OPCML: variants seen among roughly 807,000 people sequenced by gnomAD.
OPCML encodes opioid binding protein/cell adhesion molecule like.
OPCML carries 13 observed loss-of-function variants against 37.8 expected under a neutral mutation model. The observed-to-expected ratio is 0.34, with a 90% CI of 0.22 to 0.55. OPCML has a LOEUF of 0.55. Among genes scored for constraint, OPCML ranks in the 20% least tolerant of loss-of-function variants. The pLI is 0.91. For missense variants in OPCML, 341 were observed against 435.6 expected, an observed-to-expected ratio of 0.78 and a Z score of 1.93; for synonymous variants, 176 against 168.8, an observed-to-expected ratio of 1.04 and a Z score of -0.33.
intron 1 of OPCML, chr11:133,299,251 G>C (rs916476154): frequency 5.3e-5 from 8 of 152,208 alleles, no homozygotes; most frequent in Non-Finnish European, 7.3e-5. Context: ...GGCAACTCTG[G>C]AGCCATTAAT....
At chr11:133,207,736 G>A (rs767974466) in intron 1 of OPCML, among the ~76,000 whole-genome samples, 3 of 152,116 alleles carry the variant, frequency 2.0e-5, no homozygotes, top group Non-Finnish European at 4.4e-5. Context: ...TGCCGACTGA[G>A]GAAGAAGGCA....
intron 1 of OPCML, chr11:133,419,475 A>G (rs1214886506): frequency 3.5e-6 from 1 of 289,212 alleles, no homozygotes; most frequent in Non-Finnish European, 5.2e-6. Flanking sequence ...TGATTAAATA[A>G]GTTATAGCTT....
intron 1 of OPCML, among the ~76,000 whole-genome samples, chr11:133,224,589 T>A (rs1188523726): frequency 6.6e-6 from 1 of 152,210 alleles, no homozygotes; most frequent in Non-Finnish European, 1.5e-5. Context: ...CCCAAAGAGA[T>A]GGTTGTCATT....
chr11:133,235,586 A>G lies in OPCML; in HGVS notation c.62-292576T>C, dbSNP rs538994448. 1.4e-4 allele frequency among the ~76,000 whole-genome samples: 22 copies of G among 152,368 alleles called. No homozygotes were observed. In the South Asian group the frequency reaches 4.6e-3, roughly 32 times the overall value. On this transcript the variant is annotated intron_variant, in intron 1 of 7. Coordinates refer to ENST00000524381, the MANE Select transcript of OPCML (RefSeq NM_001012393.5). ...TGCTTTACAAGACATGGCAGAAGTC[A>G]GAACACATTGCATGCAGCTGCTGCC...
At chr11:133,432,179 C>A (rs192025559) in intron 1 of OPCML, among the ~76,000 whole-genome samples, 1 of 152,146 alleles carries the variant, frequency 6.6e-6, no homozygotes, top group African/African-American at 2.4e-5. Context: ...ATAATGTGAA[C>A]ACCAAACCAC....
chr11:132,745,227 T>C (rs2136050268), intron 2 of OPCML, among the ~76,000 whole-genome samples: 1 of 152,290 alleles, frequency 6.6e-6, no homozygotes, highest in African/African-American at 2.4e-5. Context: ...AACCTGTGGT[T>C]CAGCATGCCA....
chr11:133,080,211 G>A (rs1043786392), intron 1 of OPCML, among the ~76,000 whole-genome samples: 6 of 152,118 alleles, frequency 3.9e-5, no homozygotes, highest in Admixed American at 2.0e-4. Context: ...TCAACCTGCG[G>A]GACTGTAGGA....
chr11:132,517,458 T>G (rs1159727051), intron 4 of OPCML, among the ~76,000 whole-genome samples: 1 of 152,158 alleles, frequency 6.6e-6, no homozygotes, highest in Non-Finnish European at 1.5e-5. Flanking sequence ...AGTGTCTAAA[T>G]TAAAGTGCAT....
At chr11:133,054,712 T>C (rs751551209) in intron 1 of OPCML, among the ~76,000 whole-genome samples, 7 of 152,234 alleles carry the variant, frequency 4.6e-5, no homozygotes, top group Non-Finnish European at 8.8e-5. Flanking sequence ...AGAGTCCAAC[T>C]GCCTCTTCTC....
chr11:132,443,733 A>T (rs2096044582), intron 4 of OPCML, among the ~76,000 whole-genome samples: 1 of 152,222 alleles, frequency 6.6e-6, no homozygotes, highest in Admixed American at 6.5e-5. Flanking sequence ...CAGGAAGGAG[A>T]TAAGGCTGTC....
At chr11:133,000,497 G>A (rs573570936) in intron 1 of OPCML, among the ~76,000 whole-genome samples, 1 of 152,312 alleles carries the variant, frequency 6.6e-6, no homozygotes, top group South Asian at 2.1e-4. Context: ...GTACTTAGTA[G>A]GCAGTATGCC....
chr11:133,306,840 A>G (rs899292820), intron 1 of OPCML, among the ~76,000 whole-genome samples: 13 of 152,186 alleles, frequency 8.5e-5, no homozygotes, highest in African/African-American at 3.1e-4. Flanking sequence ...CCATGCCAGA[A>G]TCTGATTCTG....
chr11:133,088,396 T>C (rs1305368890), intron 1 of OPCML, among the ~76,000 whole-genome samples: 3 of 152,234 alleles, frequency 2.0e-5, no homozygotes, highest in Non-Finnish European at 2.9e-5. Context: ...CAAGTGACCA[T>C]GAGTGCTGTG....
chr11:133,091,674 G>A lies in OPCML; in HGVS notation c.62-148664C>T, dbSNP rs141684689. Among the ~76,000 whole-genome samples the A allele has an allele frequency of 6.7e-3, 1,015 of 152,184 alleles. 13 individuals are homozygous for A. Among genetic ancestry groups the A allele is most frequent in the African/African-American group, 0.024 (984 of 41,512 alleles). On this transcript the variant is annotated intron_variant, in intron 1 of 7. Coordinates refer to ENST00000524381, the MANE Select transcript of OPCML (RefSeq NM_001012393.5). ...CCCCTATTTCTTCCTTTTAGAATGG[G>A]GATGACTATCTTATGACCCTCCCAC...
intron 1 of OPCML, among the ~76,000 whole-genome samples, chr11:133,171,757 A>G (rs752416240): frequency 6.6e-6 from 1 of 152,188 alleles, no homozygotes; most frequent in Non-Finnish European, 1.5e-5. Context: ...TAACACTGCA[A>G]TTCTTGAAAG....
At chr11:132,865,982 T>C (rs1942530634) in intron 2 of OPCML, among the ~76,000 whole-genome samples, 1 of 152,132 alleles carries the variant, frequency 6.6e-6, no homozygotes, top group African/African-American at 2.4e-5. Flanking sequence ...CACTTTGTCA[T>C]ATTTCACTTC....
chr11:132,554,191 G>A (rs1261891390), intron 3 of OPCML, among the ~76,000 whole-genome samples: 3 of 152,262 alleles, frequency 2.0e-5, no homozygotes, highest in South Asian at 2.1e-4. Flanking sequence ...GGCAAATTCC[G>A]ATTTCCTTCA....
At chr11:132,743,013 T>C (rs376735593) in intron 2 of OPCML, among the ~76,000 whole-genome samples, 2 of 152,082 alleles carry the variant, frequency 1.3e-5, no homozygotes, top group African/African-American at 4.8e-5. Flanking sequence ...TTCCTTCTGC[T>C]TCCTTCTCAA....
chr11:133,283,956 G>T (rs1464707554), intron 1 of OPCML, among the ~76,000 whole-genome samples: 1 of 151,910 alleles, frequency 6.6e-6, no homozygotes, highest in African/African-American at 2.4e-5. Context: ...TCCCCCCCCA[G>T]TACCTAAAAG....
Sources: allele counts gnomAD v4.1 joint callset (sites outside exome capture counted in the v4.1 genomes callset), GRCh38; gene constraint gnomAD v4.1.1; transcripts MANE v1.5; gene names NCBI Gene and HGNC (gene_info 2026-07-23, HGNC 2026-07-21).